The following ZNF135 variants were observed in gnomAD, a reference collection of about 807,000 sequenced individuals.
ZNF135 encodes the protein zinc finger protein 135 (clone pHZ-17).
Under a neutral mutation model 12.3 loss-of-function variants are expected in ZNF135, and 11 were observed. The ratio of observed to expected loss-of-function variants is 0.89; its 90% CI spans 0.56 to 1.48. ZNF135 has a LOEUF of 1.48. Among genes scored for constraint, ZNF135 ranks in the 40% most tolerant of loss-of-function variants. The pLI is 0.00. For synonymous variants in ZNF135, 316 were observed against 312.0 expected, an observed-to-expected ratio of 1.01 and a Z score of -0.14; for missense variants, 722 against 815.7, an observed-to-expected ratio of 0.89 and a Z score of 1.40.
chr19:58,059,367 G>GGCCGA lies in ZNF135; in HGVS notation c.-35+58_-35+59insCCGAG. 1.1e-6 allele frequency: 1 copy of GGCCGA among 884,158 alleles called. No homozygotes were observed. Among genetic ancestry groups the GGCCGA allele is most frequent in the South Asian group, 1.9e-5 (1 of 53,370 alleles). The allele number at this position is 884,158 out of a possible 1,614,324, so 54.8% of individuals were successfully genotyped here. ...GGCCAGGCCGGGCCGGGCCGGGCCGGGTGCGGGGGGTCCGGGGATCTTCCT... is the reference window on the plus strand; with the variant it reads ...GGCCAGGCCGGGCCGGGCCGGGCCGGGCCGAGTGCGGGGGGTCCGGGGATCTTCCT... On this transcript the variant is annotated intron_variant, in intron 1 of 4. Coordinates refer to ENST00000313434, the MANE Select transcript of ZNF135 (RefSeq NM_001289401.2). The surrounding 1 kb of genome is among the most constrained non-coding windows in gnomAD (Gnocchi z 6.5).
chr19:58,068,053 A>G lies in ZNF135; in HGVS notation c.1569A>G (p.Glu523=). ...QRIHTGEKPY[E]CNQCGRAFSQ... ...TCCACACTGGGGAGAAGCCCTACGA[A>G]TGCAACCAGTGTGGCAGAGCCTTCA... Residue 523 remains glutamate (E), a synonymous_variant, in exon 5 of 5, where the codon GAA becomes GAG. Coordinates refer to ENST00000313434, the MANE Select transcript of ZNF135 (RefSeq NM_001289401.2). The G allele has an allele frequency of 6.2e-7, 1 of 1,613,630 alleles. No homozygotes were observed. Among genetic ancestry groups the G allele is most frequent in the Non-Finnish European group, 8.5e-7 (1 of 1,179,902 alleles).
In ZNF135 at chr19:58,060,258, TCTACTCGTGCCC is replaced by T. The variant is rs1568610965; in HGVS notation, c.33+224_33+235del. 11 of 328,456 alleles carry T rather than the reference TCTACTCGTGCCC, an allele frequency of 3.3e-5. No individual in the cohort carries two copies. The highest frequency in any genetic ancestry group is 9.7e-4 in the Middle Eastern group (1 of 1,026). The allele number at this position is 328,456 out of a possible 1,614,324, so 20.3% of individuals were successfully genotyped here. A position where few individuals can be genotyped will look rare whatever the true frequency, so the allele number is the denominator to read the frequency against. ...ACCTGGCCTCTACTGGTGCCCGGCC[TCTACTCGTGCCC>T]GGCCTCTATTTGCACATCTAGCCTC... On this transcript the variant is annotated intron_variant, in intron 2 of 4. Transcript: ENST00000313434. The surrounding 1 kb of genome is among the most constrained non-coding windows in gnomAD (Gnocchi z 4.9).
chr19:58,067,141 C>T lies in ZNF135; in HGVS notation c.657C>T (p.Cys219=), dbSNP rs779966245. Residue 219 remains cysteine, a synonymous_variant, in exon 5 of 5, where the codon TGC becomes TGT. Transcript: ENST00000313434. ...VKEKPYKCQE[C]GKAFSHSSAL... is the part of the protein sequence containing the mutation. ...AGAAACCCTACAAATGTCAGGAATG[C>T]GGAAAGGCCTTTAGTCACAGCTCAG... is the stretch of plus-strand genomic sequence containing the variant. 2.2e-5 allele frequency: 36 copies of T among 1,614,192 alleles called. No homozygotes were observed. The Middle Eastern group carries it at 6.6e-4, about 30-fold the overall frequency.
At chr19:58,066,213 G>C (rs2074063161) in intron 4 of ZNF135, among the ~76,000 whole-genome samples, 1 of 152,218 alleles carries the variant, frequency 6.6e-6, no homozygotes, top group African/African-American at 2.4e-5. Flanking sequence ...GTGGGGAGCA[G>C]TTAGGTTCCT....
chr19:58,063,581 A>G lies in ZNF135; in HGVS notation c.256+40A>G, dbSNP rs1195971941. The G allele has an allele frequency of 4.3e-6, 7 of 1,612,032 alleles. No individual in the cohort carries two copies. In the Admixed American group the frequency reaches 6.7e-5, roughly 15 times the overall value. On this transcript the variant is annotated intron_variant, in intron 4 of 4. Transcript: ENST00000313434. The surrounding 1 kb of genome is among the most constrained non-coding windows in gnomAD (Gnocchi z 4.4). Reference sequence around the variant, plus strand: ...CTTCGGGGCAGAGAGAAGCCTGTCCATGCTTGCTTCCTGGTTTCTCCCTCT... The same window carrying G: ...CTTCGGGGCAGAGAGAAGCCTGTCCGTGCTTGCTTCCTGGTTTCTCCCTCT...
Position 58,060,061 on chromosome 19 carries a change from T to A in ZNF135, c.33+26T>A. 6.2e-7 allele frequency: 1 copy of A among 1,612,660 alleles called. No homozygotes were observed. The highest frequency in any genetic ancestry group is 8.5e-7 in the Non-Finnish European group (1 of 1,179,754). On this transcript the variant is annotated intron_variant, in intron 2 of 4. Coordinates refer to ENST00000313434, the MANE Select transcript of ZNF135 (RefSeq NM_001289401.2). This position sits in a 1 kb window ranked among gnomAD's most constrained non-coding sequence, Gnocchi z 4.9. ...GTGAGAATCTCGGCCTCCTTGCGCGTGTCCTCCACCTCGTGCCCGGCCTCC... is the reference window on the plus strand; with the variant it reads ...GTGAGAATCTCGGCCTCCTTGCGCGAGTCCTCCACCTCGTGCCCGGCCTCC...
rs2074131867 is a variant in ZNF135, at chr19:58,069,410, TTC to T, written c.*951_*952del. The T allele has an allele frequency of 6.6e-6, 1 of 152,230 alleles. No homozygotes were observed. Among genetic ancestry groups the T allele is most frequent in the African/African-American group, 2.4e-5 (1 of 41,458 alleles). The allele number at this position is 152,230 out of a possible 1,614,324, so 9.4% of individuals were successfully genotyped here. A position where few individuals can be genotyped will look rare whatever the true frequency, so the allele number is the denominator to read the frequency against. Reference sequence around the variant, plus strand: ...GCAATAGCAAATTCATGTTAGAAACTTCTGTTTTGCAAGATTCATCTTTTTTG... The same window carrying T: ...GCAATAGCAAATTCATGTTAGAAACTTGTTTTGCAAGATTCATCTTTTTTG... On this transcript the variant is annotated 3_prime_UTR_variant, in exon 5 of 5. Coordinates refer to ENST00000313434, the MANE Select transcript of ZNF135 (RefSeq NM_001289401.2).
In ZNF135 at chr19:58,067,086, TA is replaced by T. The variant is rs1317043428; in HGVS notation, c.605del (p.Asn202MetfsTer8). ...GTRGKREKPDLNVLQKTCVKE... is the reference protein window; with the variant it reads ...GTRGKREKPDXNVLQKTCVKE... ...CGTGGAAAAAGGGAGAAGCCAGACC[TA>T]AATGTTTTACAGAAAACCTGTGTAA... On this transcript the variant is annotated frameshift_variant, in exon 5 of 5. Transcript: ENST00000313434. LOFTEE classifies it low-confidence loss of function (END_TRUNC). 1.2e-6 allele frequency: 2 copies of T among 1,614,048 alleles called. No homozygotes were observed. Among genetic ancestry groups the T allele is most frequent in the African/African-American group, 2.7e-5 (2 of 74,900 alleles).
At position 58,062,970 on chromosome 19, in the gene ZNF135, C is replaced by T. The variant is rs531464891; in HGVS notation, c.161-476C>T. Among the ~76,000 whole-genome samples the T allele has an allele frequency of 5.9e-5, 9 of 152,328 alleles. No homozygotes were observed. The South Asian group carries it at 1.9e-3, about 32-fold the overall frequency. On this transcript the variant is annotated intron_variant, in intron 3 of 4. Transcript: ENST00000313434. ...CCTCCCAAAGTGCTGGAATTACAGGCATAAGCCACTATGCATAGCCTGAAT... is the reference window on the plus strand; with the variant it reads ...CCTCCCAAAGTGCTGGAATTACAGGTATAAGCCACTATGCATAGCCTGAAT...
In ZNF135 at chr19:58,059,319, G is replaced by A; in HGVS notation, c.-35+9G>A. 1.9e-6 allele frequency: 3 copies of A among 1,555,522 alleles called. No individual in the cohort carries two copies. The highest frequency in any genetic ancestry group is 2.6e-6 in the Non-Finnish European group (3 of 1,160,336). ...GTCTCGCAGTCAGGAGGGTGAGCTA[G>A]GCCGGCGAGGAGGGGGAGGGGAGGC... On this transcript the variant is annotated intron_variant, in intron 1 of 4. Transcript: ENST00000313434. This position sits in a 1 kb window ranked among gnomAD's most constrained non-coding sequence, Gnocchi z 6.5.
In ZNF135 at chr19:58,063,269, G is replaced by A. The variant is rs3745124; in HGVS notation, c.161-177G>A. On this transcript the variant is annotated intron_variant, in intron 3 of 4. Coordinates refer to ENST00000313434, the MANE Select transcript of ZNF135 (RefSeq NM_001289401.2). This position sits in a 1 kb window ranked among gnomAD's most constrained non-coding sequence, Gnocchi z 4.4. ...ACCCCAGAACCAGTGGTAGGGTCAGGGACTGAGAGTAGGGGAATGAGTCCC... is the reference window on the plus strand; with the variant it reads ...ACCCCAGAACCAGTGGTAGGGTCAGAGACTGAGAGTAGGGGAATGAGTCCC... Among the ~76,000 whole-genome samples, 427 of 33,398 alleles carry A rather than the reference G, an allele frequency of 0.013. 11 individuals carry two copies. Among genetic ancestry groups the A allele is most frequent in the East Asian group, 0.11 (394 of 3,702 alleles). The allele number at this position is 33,398 out of a possible 152,430, so 21.9% of individuals were successfully genotyped here. A position where few individuals can be genotyped will look rare whatever the true frequency, so the allele number is the denominator to read the frequency against.
intron 4 of ZNF135, among the ~76,000 whole-genome samples, chr19:58,064,236 G>T (rs2074030528): frequency 6.6e-6 from 1 of 152,120 alleles, no homozygotes; most frequent in Admixed American, 6.5e-5. Context: ...GTGGGAAAGG[G>T]TCACAGTAGG....
At position 58,060,430 on chromosome 19, in the gene ZNF135, C is replaced by CTT; in HGVS notation, c.33+397_33+398dup. The CTT allele has an allele frequency of 8.8e-7, 1 of 1,140,340 alleles. No homozygotes were observed. Among genetic ancestry groups the CTT allele is most frequent in the East Asian group, 6.8e-5 (1 of 14,792 alleles). The allele number at this position is 1,140,340 out of a possible 1,614,324, so 70.6% of individuals were successfully genotyped here. The stretch of plus-strand genomic sequence containing the variant: ...GGGCACGGGTCCCTGTCTGAGTGGG[C>CTT]TTTATGTTTGTGCGGCCGTCATTGC... On this transcript the variant is annotated intron_variant, in intron 2 of 4. Transcript: ENST00000313434. This position sits in a 1 kb window ranked among gnomAD's most constrained non-coding sequence, Gnocchi z 4.9.
rs752212004 is a variant in ZNF135, at chr19:58,060,490, G to A, written c.33+455G>A. The A allele has an allele frequency of 9.7e-7, 1 of 1,031,356 alleles. No individual in the cohort carries two copies. Among genetic ancestry groups the A allele is most frequent in the Non-Finnish European group, 1.2e-6 (1 of 848,730 alleles). The allele number at this position is 1,031,356 out of a possible 1,614,324, so 63.9% of individuals were successfully genotyped here. A position where few individuals can be genotyped will look rare whatever the true frequency, so the allele number is the denominator to read the frequency against. ...GCTGGGTGATGTCAGAAAATTGTAG[G>A]TGCCCCGGCTCTGCAGTCTGAAGTT... On this transcript the variant is annotated intron_variant, in intron 2 of 4. Coordinates refer to ENST00000313434, the MANE Select transcript of ZNF135 (RefSeq NM_001289401.2). The surrounding 1 kb of genome is among the most constrained non-coding windows in gnomAD (Gnocchi z 4.9).
chr19:58,063,715 A>G lies in ZNF135; in HGVS notation c.256+174A>G. 7.2e-7 allele frequency: 1 copy of G among 1,394,726 alleles called. No homozygotes were observed. 86.4% of individuals were successfully genotyped at this position (1,394,726 alleles called of 1,614,324 possible). A position where few individuals can be genotyped will look rare whatever the true frequency, so the allele number is the denominator to read the frequency against. On this transcript the variant is annotated intron_variant, in intron 4 of 4. Coordinates refer to ENST00000313434, the MANE Select transcript of ZNF135 (RefSeq NM_001289401.2). This position sits in a 1 kb window ranked among gnomAD's most constrained non-coding sequence, Gnocchi z 4.4. The stretch of plus-strand genomic sequence containing the variant: ...CGACACCACGTCCTCATCTCCACTG[A>G]ATTTATATTCTTGGTGAGGGAGTGG...
rs765652988 is a variant in ZNF135 at position 58,065,225 on chromosome 19, G to A, written c.257-1516G>A. On this transcript the variant is annotated intron_variant, in intron 4 of 4. Coordinates refer to ENST00000313434, the MANE Select transcript of ZNF135 (RefSeq NM_001289401.2). The surrounding 1 kb of genome is among the most constrained non-coding windows in gnomAD (Gnocchi z 4.0). ...TTGTTTTTTTAAGAGATGGGGTCTT[G>A]CTATCTTGCCTAGGATGGAGTCCAG... is the stretch of plus-strand genomic sequence containing the variant. Among the ~76,000 whole-genome samples the A allele has an allele frequency of 3.3e-5, 5 of 152,004 alleles. No individual in the cohort carries two copies. The highest frequency in any genetic ancestry group is 5.9e-5 in the Non-Finnish European group (4 of 68,004).
chr19:58,059,995 G>A lies in ZNF135; in HGVS notation c.-8G>A, dbSNP rs557239934. On this transcript the variant is annotated 5_prime_UTR_variant, in exon 2 of 5. Transcript: ENST00000313434. This position sits in a 1 kb window ranked among gnomAD's most constrained non-coding sequence, Gnocchi z 6.5. ...GCAGGGCCAGCCGTTCCTGCCAGAA[G>A]CCAGGGCATGACCCCTGGGGTGCGC... is the stretch of plus-strand genomic sequence containing the variant. The A allele has an allele frequency of 6.8e-6, 11 of 1,613,462 alleles. No individual in the cohort carries two copies. The highest frequency in any genetic ancestry group is 6.6e-5 in the South Asian group (6 of 91,076).
chr19:58,059,303 T>G lies in ZNF135; in HGVS notation c.-42T>G. 6.6e-7 allele frequency: 1 copy of G among 1,507,712 alleles called. No individual in the cohort carries two copies. The highest frequency in any genetic ancestry group is 1.2e-5 in the South Asian group (1 of 85,338). The allele number at this position is 1,507,712 out of a possible 1,614,324, so 93.4% of individuals were successfully genotyped here. A position where few individuals can be genotyped will look rare whatever the true frequency, so the allele number is the denominator to read the frequency against. On this transcript the variant is annotated 5_prime_UTR_variant, in exon 1 of 5. Transcript: ENST00000313434. This position sits in a 1 kb window ranked among gnomAD's most constrained non-coding sequence, Gnocchi z 6.5. ...CGGTGCCGCGGCCTTTGTCTCGCAG[T>G]CAGGAGGGTGAGCTAGGCCGGCGAG...
In ZNF135 at chr19:58,068,668, A is replaced by G. The variant is rs2074120513; in HGVS notation, c.*207A>G. ...CTCTAGGTCATCCATCTCTGCATCC[A>G]AATAGTAGGGAAACGTGGAGATAAT... On this transcript the variant is annotated 3_prime_UTR_variant, in exon 5 of 5. Coordinates refer to ENST00000313434, the MANE Select transcript of ZNF135 (RefSeq NM_001289401.2). 1 of 583,508 alleles carries G rather than the reference A, an allele frequency of 1.7e-6. No individual in the cohort carries two copies. Among genetic ancestry groups the G allele is most frequent in the Non-Finnish European group, 3.0e-6 (1 of 338,050 alleles). The allele number at this position is 583,508 out of a possible 1,614,324, so 36.1% of individuals were successfully genotyped here. A position where few individuals can be genotyped will look rare whatever the true frequency, so the allele number is the denominator to read the frequency against.
Sources: allele counts gnomAD v4.1 joint callset (sites outside exome capture counted in the v4.1 genomes callset), GRCh38; gene constraint gnomAD v4.1.1; non-coding constraint Gnocchi (gnomAD v3.1); transcripts MANE v1.5; gene names NCBI Gene and HGNC (gene_info 2026-07-23, HGNC 2026-07-21).